The following CCDC144A variants were observed in gnomAD, a reference collection of about 807,000 sequenced individuals.
CCDC144A encodes coiled-coil domain containing 144A.
Under a neutral mutation model 143.8 loss-of-function variants are expected in CCDC144A, and 41 were observed. The observed-to-expected ratio is 0.29, with a 90% CI of 0.22 to 0.37. The LOEUF (loss-of-function observed/expected upper bound fraction) is 0.37, where lower values mean the gene tolerates loss of function less well. CCDC144A is among the 10% of genes least tolerant of loss of function. The pLI, the probability that CCDC144A is intolerant of heterozygous loss-of-function variation, is 1.00. For synonymous variants in CCDC144A, 242 were observed against 517.9 expected, an observed-to-expected ratio of 0.47 and a Z score of 7.23; for missense variants, 637 against 1,488.8, an observed-to-expected ratio of 0.43 and a Z score of 9.41.
At chr17:16,746,438 A>G (rs544405575) in intron 12 of CCDC144A, 262 of 1,609,536 alleles carry the variant, frequency 1.6e-4, no homozygotes, top group Non-Finnish European at 1.9e-4. Flanking sequence ...TCTTCTAGCA[A>G]TGAGCTCTCT....
intron 6 of CCDC144A, among the ~76,000 whole-genome samples, chr17:16,716,863 G>A (rs1436075181): frequency 6.7e-6 from 1 of 149,482 alleles, no homozygotes; most frequent in Non-Finnish European, 1.5e-5. Context: ...GCCCAGGCTG[G>A]AGTGCAGTGG....
rs568623371 is a variant in CCDC144A, at chr17:16,752,541, G to T, written c.3373-8884G>T. The stretch of plus-strand genomic sequence containing the variant: ...TGAGCAGTGTGCTTGAATCCGGGGG[G>T]TATTGAGACCAGGTTCATGACTTTG... On this transcript the variant is annotated intron_variant, in intron 12 of 16. Coordinates refer to ENST00000399273, the MANE Select transcript of CCDC144A (RefSeq NM_001382000.1). Among the ~76,000 whole-genome samples the T allele has an allele frequency of 6.2e-3, 897 of 144,334 alleles. 8 individuals carry two copies. Among genetic ancestry groups the T allele is most frequent in the Middle Eastern group, 0.048 (14 of 292 alleles). The allele number at this position is 144,334 out of a possible 152,430, so 94.7% of individuals were successfully genotyped here.
chr17:16,684,232 G>A, the CCDC144A span: 21 of 900,754 alleles, frequency 2.3e-5, no homozygotes, highest in Non-Finnish European at 3.6e-5. Flanking sequence ...TTCAGTGGGC[G>A]AGTATCTTAA....
chr17:16,757,151 G>A (rs1018395933), intron 12 of CCDC144A, among the ~76,000 whole-genome samples: 104 of 152,386 alleles, frequency 6.8e-4, no homozygotes, highest in African/African-American at 2.4e-3. Context: ...AGCAGGCCAG[G>A]CCAAAGGACC....
At chr17:16,711,148 A>AAAAAC (rs1555531732) in intron 5 of CCDC144A, among the ~76,000 whole-genome samples, 3 of 140,788 alleles carry the variant, frequency 2.1e-5, no homozygotes, top group African/African-American at 7.9e-5. Flanking sequence ...AAAAAAAAAA[A>AAAAAC]AAAAAAAAAA....
chr17:16,696,676 A>C (rs942337772), intron 2 of CCDC144A, among the ~76,000 whole-genome samples: 6 of 151,784 alleles, frequency 4.0e-5, no homozygotes, highest in Non-Finnish European at 8.8e-5. Flanking sequence ...GAAAGAAATG[A>C]GTAGAACTTT....
chr17:16,760,342 C>A (rs1183132834), intron 12 of CCDC144A, among the ~76,000 whole-genome samples: 1 of 148,394 alleles, frequency 6.7e-6, no homozygotes, highest in Non-Finnish European at 1.5e-5. Context: ...ATTATTTCCT[C>A]TAAAGGAAAG....
At chr17:16,712,056 G>C (rs1912482115) in intron 6 of CCDC144A, 2 of 524,656 alleles carry the variant, frequency 3.8e-6, no homozygotes, top group Non-Finnish European at 3.3e-6. Context: ...TTTGAACCTG[G>C]GAGGCGGGGG....
At chr17:16,738,870 C>T (rs1018948757) in intron 12 of CCDC144A, among the ~76,000 whole-genome samples, 2 of 152,188 alleles carry the variant, frequency 1.3e-5, no homozygotes, top group Non-Finnish European at 2.9e-5. Context: ...AGCTGCCAGT[C>T]TGCTTTCCAA....
Position 16,761,308 on chromosome 17 carries a change from T to G in CCDC144A, c.3373-117T>G, listed in dbSNP as rs560448560. 2,037 of 1,435,000 alleles carry G rather than the reference T, an allele frequency of 1.4e-3. 1 individual carries two copies. The highest frequency in any genetic ancestry group is 1.7e-3 in the Non-Finnish European group (1,886 of 1,089,206). 88.9% of individuals were successfully genotyped at this position (1,435,000 alleles called of 1,614,324 possible). ...GAGATCCTGTCACTGTACTCCGGCC[T>G]GGGCGACAGAGCGAGACTCCATCTC... On this transcript the variant is annotated intron_variant, in intron 12 of 16. Coordinates refer to ENST00000399273, the MANE Select transcript of CCDC144A (RefSeq NM_001382000.1).
intron 12 of CCDC144A, among the ~76,000 whole-genome samples, chr17:16,759,379 T>C (rs1653225064): frequency 1.3e-5 from 2 of 152,188 alleles, no homozygotes; most frequent in South Asian, 2.1e-4. Context: ...CACAGTATTA[T>C]AAAAAGTCAG....
At chr17:16,744,606 A>C (rs1339194087) in intron 12 of CCDC144A, among the ~76,000 whole-genome samples, 1 of 151,894 alleles carries the variant, frequency 6.6e-6, no homozygotes, top group Non-Finnish European at 1.5e-5. Context: ...GGATATTAGA[A>C]CTTTGTTCAA....
At position 16,704,864 on chromosome 17, in the gene CCDC144A, G is replaced by C. The variant is rs7217927; in HGVS notation, c.416-287G>C. ...GTTTTAAAAGATTTATATCCACGAA[G>C]AATCTTAATGGAAAGCAAAATATGT... On this transcript the variant is annotated intron_variant, in intron 2 of 16. Transcript: ENST00000399273. 5.7e-3 allele frequency among the ~76,000 whole-genome samples: 870 copies of C among 152,168 alleles called. 10 individuals carry two copies. Among genetic ancestry groups the C allele is most frequent in the African/African-American group, 0.02 (826 of 41,498 alleles).
the CCDC144A span, among the ~76,000 whole-genome samples, chr17:16,679,875 A>G: frequency 6.6e-6 from 1 of 152,146 alleles, no homozygotes; most frequent in Non-Finnish European, 1.5e-5. Context: ...TTAAACAAAA[A>G]TTAATCTAAC....
chr17:16,692,661 T>G (rs1911156804), intron 1 of CCDC144A, among the ~76,000 whole-genome samples: 1 of 152,070 alleles, frequency 6.6e-6, no homozygotes, highest in South Asian at 2.1e-4. Context: ...TTTAGAAGAA[T>G]ACATTGAGCC....
At chr17:16,705,845 C>G (rs1321467691) in intron 3 of CCDC144A, 1 of 195,376 alleles carries the variant, frequency 5.1e-6, no homozygotes, top group Admixed American at 5.3e-5. Flanking sequence ...TTTAGGAGGC[C>G]GAGGTGGGTG....
At position 16,698,796 on chromosome 17, in the gene CCDC144A, T is replaced by A. The variant is rs4791681; in HGVS notation, c.415+5747T>A. Among the ~76,000 whole-genome samples the A allele has an allele frequency of 3.8e-3, 583 of 152,360 alleles. 6 individuals carry two copies. Among genetic ancestry groups the A allele is most frequent in the African/African-American group, 0.013 (555 of 41,584 alleles). The stretch of plus-strand genomic sequence containing the variant: ...TTGTGACACAATTTCAGGTTTTGAT[T>A]AAAAATAGTTTACAGGCCAGCAGTT... On this transcript the variant is annotated intron_variant, in intron 2 of 16. Coordinates refer to ENST00000399273, the MANE Select transcript of CCDC144A (RefSeq NM_001382000.1).
the CCDC144A span, chr17:16,683,837 G>C: frequency 7.2e-7 from 1 of 1,397,004 alleles, no homozygotes; most frequent in Non-Finnish European, 1.0e-6. Flanking sequence ...GGCGCCTCCA[G>C]TTAGCAGAGA....
intron 2 of CCDC144A, among the ~76,000 whole-genome samples, chr17:16,703,999 C>G (rs1304520960): frequency 1.3e-5 from 2 of 152,108 alleles, no homozygotes; most frequent in Non-Finnish European, 2.9e-5. Context: ...CGTCTTGGCC[C>G]CTCATCTGGA....
Sources: gnomAD v4.1 joint callset for allele counts (sites outside exome capture counted in the v4.1 genomes callset) on GRCh38, gnomAD v4.1.1 for gene constraint, MANE v1.5 for transcripts, NCBI Gene and HGNC (gene_info 2026-07-23, HGNC 2026-07-21) for gene names.